FRMD4B: variants seen among roughly 807,000 people sequenced by gnomAD.
FRMD4B encodes FERM domain containing 4B.
Under a neutral mutation model 141.5 loss-of-function variants are expected in FRMD4B, and 74 were observed. That is an observed-to-expected ratio of 0.52 (90% CI 0.43 to 0.63). The LOEUF is 0.63. FRMD4B is among the 30% of genes least tolerant of loss of function. The pLI, the probability that FRMD4B is intolerant of heterozygous loss-of-function variation, is 0.00. For synonymous variants in FRMD4B, 506 were observed against 467.9 expected (o/e 1.08, Z -1.05); for missense variants, 1,366 against 1,253.4 (o/e 1.09, Z -1.36).
At chr3:69,504,536 T>C (rs1706563594) in intron 1 of FRMD4B, among the ~76,000 whole-genome samples, 1 of 152,208 alleles carries the variant, frequency 6.6e-6, no homozygotes, top group Admixed American at 6.5e-5. Context: ...ATTTGCCTAT[T>C]CTGGGCATTT....
intron 1 of FRMD4B, among the ~76,000 whole-genome samples, chr3:69,324,886 G>C (rs1162849077): frequency 1.3e-5 from 2 of 151,730 alleles, no homozygotes; most frequent in African/African-American, 2.4e-5. Flanking sequence ...CTTGAGCCCA[G>C]GAGTCTGAGA....
intron 7 of FRMD4B, among the ~76,000 whole-genome samples, chr3:69,248,093 CAGGCGTGAGCCTTTAATGA>C (rs946006248): frequency 2.6e-5 from 4 of 152,106 alleles, no homozygotes; most frequent in Admixed American, 6.5e-5. Context: ...TGCCCGGCCT[CAGGCGTGAGCCTTTAATGA>C]TACTAATGGT....
chr3:69,260,489 C>G (rs1029370759), intron 5 of FRMD4B, among the ~76,000 whole-genome samples: 7 of 152,230 alleles, frequency 4.6e-5, no homozygotes, highest in African/African-American at 1.7e-4. Context: ...CGAATTCTAG[C>G]CCAGCCTCAG....
chr3:69,242,371 A>T (rs1012955688), intron 7 of FRMD4B, among the ~76,000 whole-genome samples: 1 of 151,228 alleles, frequency 6.6e-6, no homozygotes, highest in Non-Finnish European at 1.5e-5. Flanking sequence ...AGTGCTCCAG[A>T]GGTGTAATAA....
intron 1 of FRMD4B, among the ~76,000 whole-genome samples, chr3:69,496,636 AAAGAGAGAGAGAGAGAGAGAGAGAGAG>A (rs1706399886): frequency 8.5e-6 from 1 of 118,208 alleles, no homozygotes; most frequent in African/African-American, 3.4e-5. Context: ...AGAGAGAGAG[AAAGAGAGAGAGAGAGAGAGAGAGAGAG>A]AGAGAGAGAG....
intron 5 of FRMD4B, among the ~76,000 whole-genome samples, chr3:69,256,114 G>T (rs762835637): frequency 7.9e-5 from 12 of 151,272 alleles, no homozygotes; most frequent in Admixed American, 5.3e-4. Flanking sequence ...ATAAAAGGTT[G>T]GGGGGGAGGG....
chr3:69,293,482 G>A (rs1291635700), intron 4 of FRMD4B, among the ~76,000 whole-genome samples: 2 of 132,364 alleles, frequency 1.5e-5, no homozygotes, highest in Admixed American at 8.0e-5. Flanking sequence ...AATGAGTGGC[G>A]GTGACTATTA....
At position 69,359,134 on chromosome 3, in the gene FRMD4B, C is replaced by T. The variant is rs910015102; in HGVS notation, c.162+26694G>A. On this transcript the variant is annotated intron_variant, in intron 1 of 22. Coordinates refer to ENST00000398540, the MANE Select transcript of FRMD4B (RefSeq NM_015123.3). ...GAACAGCAGTGAGCAGGAGAGGTAT[C>T]CAGAGGGTGGCATGAAACAAAAAAT... 1.4e-4 allele frequency among the ~76,000 whole-genome samples: 22 copies of T among 152,036 alleles called. 1 individual carries two copies. Among genetic ancestry groups the T allele is most frequent in the Admixed American group, 1.3e-4 (2 of 15,252 alleles).
At chr3:69,360,802 G>GT (rs968556575) in intron 1 of FRMD4B, among the ~76,000 whole-genome samples, 1 of 152,084 alleles carries the variant, frequency 6.6e-6, no homozygotes, top group African/African-American at 2.4e-5. Flanking sequence ...CGCCACTTGT[G>GT]TTTTTTCATT....
At chr3:69,285,234 G>A (rs1178143267) in intron 5 of FRMD4B, among the ~76,000 whole-genome samples, 1 of 132,222 alleles carries the variant, frequency 7.6e-6, no homozygotes, top group Non-Finnish European at 1.7e-5. Flanking sequence ...TGGCAGATTA[G>A]ATTGCAAAAA....
intron 11 of FRMD4B, among the ~76,000 whole-genome samples, chr3:69,207,451 C>T (rs1188769499): frequency 6.6e-6 from 1 of 152,132 alleles, no homozygotes; most frequent in Non-Finnish European, 1.5e-5. Context: ...AGCTATCTTT[C>T]ATTTTTCTTC....
intron 2 of FRMD4B, among the ~76,000 whole-genome samples, chr3:69,394,941 T>G (rs1704449173): frequency 6.6e-6 from 1 of 152,126 alleles, no homozygotes; most frequent in Non-Finnish European, 1.5e-5. Context: ...CCGCCTGTTC[T>G]CACTCATAAG....
intron 11 of FRMD4B, among the ~76,000 whole-genome samples, chr3:69,211,175 A>G (rs1320129244): frequency 6.6e-6 from 1 of 152,154 alleles, no homozygotes. Flanking sequence ...ACTACTAATG[A>G]TGATGGCGTA....
At chr3:69,513,116 A>G (rs1447555658) in intron 1 of FRMD4B, among the ~76,000 whole-genome samples, 6 of 152,130 alleles carry the variant, frequency 3.9e-5, no homozygotes, top group African/African-American at 9.7e-5. Context: ...AAAAGAGTCA[A>G]TGAAACTGAG....
intron 21 of FRMD4B, among the ~76,000 whole-genome samples, chr3:69,178,821 A>G (rs760650489): frequency 2.6e-4 from 37 of 142,132 alleles, no homozygotes; most frequent in Middle Eastern, 3.2e-3. Context: ...AACAATAAGC[A>G]TAACAATAGC....
intron 1 of FRMD4B, among the ~76,000 whole-genome samples, chr3:69,523,131 AAAC>A (rs1222021012): frequency 6.6e-6 from 1 of 152,066 alleles, no homozygotes; most frequent in African/African-American, 2.4e-5. Context: ...AAAAAAAAAA[AAAC>A]AACTAGAGAA....
At position 69,169,735 on chromosome 3, in the gene FRMD4B, G is replaced by A. The variant is rs531647879; in HGVS notation, c.*2126C>T. ...GCCCTTTCAAGGCATGCTTGCAAGT[G>A]TAACCATACTATTTCAGGAACAGAA... On this transcript the variant is annotated 3_prime_UTR_variant, in exon 23 of 23. Coordinates refer to ENST00000398540, the MANE Select transcript of FRMD4B (RefSeq NM_015123.3). 1.1e-4 allele frequency among the ~76,000 whole-genome samples: 17 copies of A among 152,184 alleles called. No individual in the cohort carries two copies. Among genetic ancestry groups the A allele is most frequent in the African/African-American group, 3.9e-4 (16 of 41,496 alleles).
At chr3:69,301,644 T>A (rs762399721) in intron 4 of FRMD4B, among the ~76,000 whole-genome samples, 1 of 152,206 alleles carries the variant, frequency 6.6e-6, no homozygotes, top group Non-Finnish European at 1.5e-5. Context: ...TTACATCTTA[T>A]AACATTTTAT....
rs375681547 is a variant in FRMD4B at position 69,181,311 on chromosome 3, T to C, written c.2439A>G (p.Ala813=). ...SYYIAGYTPY[A]ECDFYYSGGY... ...CACCACTGTAATAAAAGTCACACTC[T>C]GCATAGGGTGTGTACCCGGCAATGT... The change falls in exon 21 of 23, where the codon GCA becomes GCG. Residue 813 remains alanine, a synonymous_variant. Coordinates refer to ENST00000398540, the MANE Select transcript of FRMD4B (RefSeq NM_015123.3). 2.1e-4 allele frequency: 341 copies of C among 1,613,992 alleles called. 1 individual carries two copies. In the African/African-American group the frequency reaches 3.4e-3, roughly 16 times the overall value.
Sources: allele counts gnomAD v4.1 joint callset (sites outside exome capture counted in the v4.1 genomes callset), GRCh38; gene constraint gnomAD v4.1.1; transcripts MANE v1.5; gene names NCBI Gene and HGNC (gene_info 2026-07-23, HGNC 2026-07-21).